Variants in RMST observed in about 807,000 individuals in gnomAD.
RMST encodes the protein long intergenic non-protein coding RNA 54.
At chr12:97,505,613 C>T (rs1475729368) in intron 10 of RMST, among the ~76,000 whole-genome samples, 1 of 152,216 alleles carries the variant, frequency 6.6e-6, no homozygotes, top group South Asian at 2.1e-4. Context: ...CATTAACTTA[C>T]AAAACGCACA....
chr12:97,513,549 G>T (rs1171627460), intron 10 of RMST, among the ~76,000 whole-genome samples: 2 of 152,174 alleles, frequency 1.3e-5, no homozygotes, highest in African/African-American at 4.8e-5. Context: ...TTCTATTCTA[G>T]TGTTAACCTG....
At chr12:97,552,900 A>G (rs1265500321) in intron 11 of RMST, among the ~76,000 whole-genome samples, 1 of 152,220 alleles carries the variant, frequency 6.6e-6, no homozygotes, top group South Asian at 2.1e-4. Context: ...CTGACAAGCA[A>G]ACTAGGCTCT....
intron 13 of RMST, among the ~76,000 whole-genome samples, chr12:97,561,629 CTTTTTTTTTTTTT>C (rs9331504): frequency 1.8e-5 from 1 of 56,648 alleles, no homozygotes; most frequent in African/African-American, 7.4e-5. Context: ...AGTTTGAAGG[CTTTTTTTTTTTTT>C]TTTTTTTTTT....
intron 10 of RMST, among the ~76,000 whole-genome samples, chr12:97,516,730 T>C (rs562485724): frequency 6.6e-6 from 1 of 152,032 alleles, no homozygotes; most frequent in East Asian, 1.9e-4. Flanking sequence ...AGATTTATGT[T>C]AGTTTTGTGT....
At chr12:97,486,797 A>G (rs1876165521) in intron 5 of RMST, among the ~76,000 whole-genome samples, 1 of 152,216 alleles carries the variant, frequency 6.6e-6, no homozygotes, top group South Asian at 2.1e-4. Flanking sequence ...GCCATTTAAT[A>G]AACGAACAGA....
At chr12:97,482,523 T>A (rs1239416778) in intron 5 of RMST, among the ~76,000 whole-genome samples, 1 of 151,570 alleles carries the variant, frequency 6.6e-6, no homozygotes, top group Non-Finnish European at 1.5e-5. Context: ...CCGTCACGAG[T>A]AAAATTGTTG....
chr12:97,480,215 G>T (rs1007413015), intron 5 of RMST, among the ~76,000 whole-genome samples: 2 of 150,936 alleles, frequency 1.3e-5, no homozygotes, highest in South Asian at 2.1e-4. Context: ...TCAGCCTCCC[G>T]AGTAGCTGGG....
chr12:97,551,824 C>A (rs976632887), intron 11 of RMST: 1 of 152,078 alleles, frequency 6.6e-6, no homozygotes, highest in Non-Finnish European at 1.5e-5. Flanking sequence ...TGCTATCTCC[C>A]CACATAGGAA....
chr12:97,545,359 G>GC (rs1461193937), intron 11 of RMST, among the ~76,000 whole-genome samples: 1 of 152,038 alleles, frequency 6.6e-6, no homozygotes, highest in Non-Finnish European at 1.5e-5. Flanking sequence ...ACATCATGGA[G>GC]CTGGTGAGGG....
chr12:97,474,303 G>A lies in RMST; in HGVS notation n.644+8576G>A, dbSNP rs142937690. Among the ~76,000 whole-genome samples the A allele has an allele frequency of 5.6e-3, 856 of 152,226 alleles. 11 individuals are homozygous for A. Among genetic ancestry groups the A allele is most frequent in the African/African-American group, 0.02 (818 of 41,540 alleles). ...TCGCCATCCACTTGTCTAAACAGAT[G>A]ATGATAGCAGAGGTGCTGCACACCT... On this transcript the variant is annotated intron_variant and non_coding_transcript_variant, in intron 5 of 13. Coordinates refer to ENST00000640149, the Ensembl canonical transcript of RMST.
At chr12:97,490,672 C>T (rs1489259982) in intron 5 of RMST, among the ~76,000 whole-genome samples, 1 of 152,092 alleles carries the variant, frequency 6.6e-6, no homozygotes, top group African/African-American at 2.4e-5. Context: ...ATTCTCAGGG[C>T]TTTCATATAG....
chr12:97,474,071 C>T (rs1024990037), intron 5 of RMST, among the ~76,000 whole-genome samples: 3 of 152,024 alleles, frequency 2.0e-5, no homozygotes, highest in Admixed American at 1.3e-4. Context: ...TGACAGTGTA[C>T]GGTATTCTGT....
At chr12:97,555,270 T>G (rs985426055) in intron 11 of RMST, among the ~76,000 whole-genome samples, 1 of 152,218 alleles carries the variant, frequency 6.6e-6, no homozygotes, top group African/African-American at 2.4e-5. Flanking sequence ...AATAATATCT[T>G]GACTGTATAT....
intron 13 of RMST, chr12:97,563,957 G>T (rs1224071859): frequency 2.1e-6 from 1 of 465,850 alleles, no homozygotes. Flanking sequence ...AGCCTGTGGA[G>T]CTGTGAATGT....
At chr12:97,520,072 G>A (rs1335348116) in intron 10 of RMST, among the ~76,000 whole-genome samples, 1 of 152,146 alleles carries the variant, frequency 6.6e-6, no homozygotes, top group Non-Finnish European at 1.5e-5. Context: ...AGTCACCTTG[G>A]AAAAATGGAG....
intron 10 of RMST, among the ~76,000 whole-genome samples, chr12:97,517,911 G>C (rs1880103092): frequency 6.6e-6 from 1 of 152,012 alleles, no homozygotes; most frequent in South Asian, 2.1e-4. Flanking sequence ...TGGTGTATCA[G>C]TTTCAACTCC....
At chr12:97,558,844 C>A (rs530919832) in intron 11 of RMST, among the ~76,000 whole-genome samples, 87 of 152,250 alleles carry the variant, frequency 5.7e-4, no homozygotes, top group African/African-American at 1.8e-3. Flanking sequence ...GGCCAGCAAC[C>A]TGATGGGGCC....
At chr12:97,562,832 G>A (rs1255720524) in intron 13 of RMST, among the ~76,000 whole-genome samples, 1 of 152,170 alleles carries the variant, frequency 6.6e-6, no homozygotes. Flanking sequence ...GTCACCTCTA[G>A]ATGGAAATAG....
intron 10 of RMST, among the ~76,000 whole-genome samples, chr12:97,509,256 A>T (rs1168162691): frequency 1.3e-5 from 2 of 152,206 alleles, no homozygotes; most frequent in Non-Finnish European, 2.9e-5. Flanking sequence ...CTGATACTTG[A>T]GTTCCTCTGA....
Sources: gnomAD v4.1 joint callset for allele counts (sites outside exome capture counted in the v4.1 genomes callset) on GRCh38, gnomAD v4.1.1 for gene constraint, MANE v1.5 for transcripts, NCBI Gene and HGNC (gene_info 2026-07-23, HGNC 2026-07-21) for gene names.